Variants in CCDC81 observed in about 807,000 individuals in gnomAD.
CCDC81 encodes coiled-coil domain-containing protein 81.
A neutral mutation model predicts 83.7 loss-of-function variants in CCDC81; 79 were observed. That is an observed-to-expected ratio of 0.94 (90% CI 0.79 to 1.14). The LOEUF (loss-of-function observed/expected upper bound fraction) is 1.14, where lower values mean the gene tolerates loss of function less well. Ranked by LOEUF, CCDC81 falls within the 50% of genes most tolerant of loss-of-function variation. The pLI is 0.00. For synonymous variants in CCDC81, 252 were observed against 278.1 expected (o/e 0.91, Z 0.93); for missense variants, 791 against 778.1 (o/e 1.02, Z -0.20).
chr11:86,403,119 G>C (rs1056330277), intron 7 of CCDC81, among the ~76,000 whole-genome samples: 10 of 147,864 alleles, frequency 6.8e-5, no homozygotes, highest in Non-Finnish European at 1.3e-4. Context: ...CTCTCAAAGT[G>C]CTGGGATTAC....
At position 86,408,181 on chromosome 11, in the gene CCDC81, A is replaced by G. The variant is rs748385926; in HGVS notation, c.1024A>G (p.Ser342Gly). 61 of 1,613,978 alleles carry G rather than the reference A, an allele frequency of 3.8e-5. No homozygotes were observed. Among genetic ancestry groups the G allele is most frequent in the South Asian group, 1.8e-4 (16 of 91,082 alleles). ...RAQRNSLLYY[S>G]EERRREIEDE... ...ACAACGAAATTCCCTGTTGTACTAC[A>G]GTGAGGAAAGGAGGAGAGAGATAGA... Residue 342 changes from serine (S) to glycine (G), a missense_variant, in exon 9 of 15, where the codon AGT (serine) becomes GGT (glycine). Physicochemically the swap from Ser to Gly is moderately conservative, Grantham distance 56. Coordinates refer to ENST00000445632, the MANE Select transcript of CCDC81 (RefSeq NM_001156474.2).
At position 86,375,179 on chromosome 11, in the gene CCDC81, G is replaced by A. The variant is rs1295550518; in HGVS notation, c.16G>A (p.Ala6Thr). ...GAAATTGGAGATGTTGGATACGATC[G>A]CCCGTGCCCTGCAGGACCTGGGCAG... is the stretch of plus-strand genomic sequence containing the variant. MLDTI[A>T]RALQDLGRQV... The change falls in exon 1 of 15, where the codon GCC (alanine) becomes ACC (threonine). Residue 6 changes from alanine (A) to threonine (T), a missense_variant. Physicochemically the swap from Ala to Thr is moderately conservative, Grantham distance 58. Transcript: ENST00000445632. The A allele has an allele frequency of 6.2e-7, 1 of 1,613,432 alleles. No individual in the cohort carries two copies. Among genetic ancestry groups the A allele is most frequent in the African/African-American group, 1.3e-5 (1 of 74,900 alleles).
intron 6 of CCDC81, 146 bp from the exon 7 acceptor site, chr11:86,400,532 T>C: frequency 1.2e-6 from 1 of 801,182 alleles, no homozygotes. Context: ...AGCAAAAACA[T>C]TTTTTTATAC....
intron 1 of CCDC81, among the ~76,000 whole-genome samples, chr11:86,383,243 A>G (rs1020866943): frequency 2.0e-5 from 3 of 152,210 alleles, no homozygotes; most frequent in Non-Finnish European, 4.4e-5. Flanking sequence ...TGCTCTTTCC[A>G]TTGCATTATG....
intron 6 of CCDC81, 33 bp downstream of exon 6, chr11:86,397,775 C>G (rs1565763231): frequency 3.7e-6 from 6 of 1,600,566 alleles, no homozygotes; most frequent in East Asian, 4.5e-5. Context: ...CAATCTGTCA[C>G]TCTTTACTGC....
chr11:86,412,986 C>T (rs61598129), intron 11 of CCDC81, among the ~76,000 whole-genome samples: 12,636 of 152,108 alleles, frequency 0.083, 700 homozygotes, highest in East Asian at 0.26. Context: ...TTTCTGTATC[C>T]GAGGGTTCTT....
At chr11:86,400,874 A>C in intron 7 of CCDC81, 73 bp downstream of exon 7, 1 of 1,413,358 alleles carries the variant, frequency 7.1e-7, no homozygotes. Context: ...GATGCGGGGA[A>C]CTGTAATTGT....
Position 86,402,833 on chromosome 11 carries a change from G to T in CCDC81, c.881+2032G>T, listed in dbSNP as rs1002223693. Among the ~76,000 whole-genome samples, 7 of 151,506 alleles carry T rather than the reference G, an allele frequency of 4.6e-5. No individual in the cohort carries two copies. In the East Asian group the frequency reaches 5.8e-4, roughly 13 times the overall value. ...CCTATGTTTGTTTGATTTCTAGTGG[G>T]TTTTTTTGTTTTGTTTTGTTTTTGA... On this transcript the variant is annotated intron_variant, in intron 7 of 14. Transcript: ENST00000445632.
intron 7 of CCDC81, among the ~76,000 whole-genome samples, chr11:86,404,467 C>T (rs1364814589): frequency 2.6e-5 from 4 of 152,148 alleles, no homozygotes; most frequent in South Asian, 2.1e-4. Context: ...TTTTGCAACC[C>T]CTGCTCTAAA....
chr11:86,377,627 TTGAG>T (rs1313568401), intron 1 of CCDC81, among the ~76,000 whole-genome samples: 3 of 152,330 alleles, frequency 2.0e-5, no homozygotes, highest in East Asian at 1.9e-4. Context: ...CATTTTTAAA[TTGAG>T]TTTTTCTTTT....
chr11:86,408,034 G>T, intron 8 of CCDC81, 93 bp from the exon 9 acceptor site: 2 of 1,264,994 alleles, frequency 1.6e-6, no homozygotes, highest in East Asian at 5.0e-5. Context: ...TAGGTTTCTT[G>T]ATATACCTAG....
intron 1 of CCDC81, among the ~76,000 whole-genome samples, chr11:86,379,696 G>T (rs1024509268): frequency 6.6e-6 from 1 of 152,108 alleles, no homozygotes; most frequent in Admixed American, 6.5e-5. Context: ...ATAAAAATAG[G>T]CCAGGTGCAG....
intron 7 of CCDC81, among the ~76,000 whole-genome samples, chr11:86,402,493 T>C (rs1280443340): frequency 6.6e-6 from 1 of 152,232 alleles, no homozygotes; most frequent in Non-Finnish European, 1.5e-5. Flanking sequence ...TTAAACCTTT[T>C]GTTTAACCAA....
intron 1 of CCDC81, among the ~76,000 whole-genome samples, chr11:86,384,077 T>C (rs1416797250): frequency 6.6e-6 from 1 of 152,214 alleles, no homozygotes; most frequent in East Asian, 1.9e-4. Context: ...AATCATTTCA[T>C]CTTCAGTGTA....
chr11:86,405,115 G>T (rs1223934397), intron 7 of CCDC81, among the ~76,000 whole-genome samples: 1 of 151,972 alleles, frequency 6.6e-6, no homozygotes, highest in Non-Finnish European at 1.5e-5. Flanking sequence ...TTTTCTTTGA[G>T]AGAGATATTA....
At position 86,409,260 on chromosome 11, in the gene CCDC81, G is replaced by A; in HGVS notation, c.1114-1G>A. ...AAACTTTTTTTTTTTTTAAACAATA[G>A]ATGAAAAGTCTGGCTACTAGAGAAC... On this transcript the variant is annotated splice_acceptor_variant, in intron 9 of 14. Transcript: ENST00000445632. LOFTEE classifies it high-confidence loss of function. The A allele has an allele frequency of 1.5e-6, 2 of 1,346,454 alleles. No homozygotes were observed. The highest frequency in any genetic ancestry group is 2.0e-6 in the Non-Finnish European group (2 of 1,011,966). 83.4% of individuals were successfully genotyped at this position (1,346,454 alleles called of 1,614,324 possible).
chr11:86,396,843 G>A (rs1180925735), intron 5 of CCDC81, among the ~76,000 whole-genome samples: 1 of 152,180 alleles, frequency 6.6e-6, no homozygotes, highest in Non-Finnish European at 1.5e-5. Context: ...AGGCAAACAT[G>A]GCTGTTCCCT....
At chr11:86,403,845 G>A (rs950235487) in intron 7 of CCDC81, among the ~76,000 whole-genome samples, 2 of 152,184 alleles carry the variant, frequency 1.3e-5, no homozygotes, top group South Asian at 4.1e-4. Flanking sequence ...GGTAATAAGG[G>A]TATGAAACAA....
chr11:86,391,116 G>C (rs1948323219), intron 3 of CCDC81, among the ~76,000 whole-genome samples: 1 of 152,350 alleles, frequency 6.6e-6, no homozygotes, highest in East Asian at 1.9e-4. Flanking sequence ...TCCTAACTCA[G>C]ATAAGTGATC....
Sources: allele counts gnomAD v4.1 joint callset (sites outside exome capture counted in the v4.1 genomes callset), GRCh38; gene constraint gnomAD v4.1.1; transcripts MANE v1.5; gene names NCBI Gene and HGNC (gene_info 2026-07-23, HGNC 2026-07-21).